Variants in PIK3CB observed in about 807,000 individuals in gnomAD.
PIK3CB encodes the protein phosphatidylinositol 4,5-bisphosphate 3-kinase catalytic subunit beta isoform.
In PIK3CB, 39 loss-of-function variants were observed where a neutral mutation model predicts 136.8. The ratio of observed to expected loss-of-function variants is 0.29; its 90% CI spans 0.22 to 0.37. The LOEUF (loss-of-function observed/expected upper bound fraction) is 0.37, where lower values mean the gene tolerates loss of function less well. Ranked by LOEUF, PIK3CB falls within the 10% of genes least tolerant of loss-of-function variation. The probability of loss-of-function intolerance (pLI) is 1.00; values close to 1 mark genes in which losing one functional copy is unlikely to be tolerated. For synonymous variants in PIK3CB, 428 were observed against 436.6 expected (o/e 0.98, Z 0.25); for missense variants, 868 against 1,275.4 (o/e 0.68, Z 4.87).
intron 8 of PIK3CB, among the ~76,000 whole-genome samples, chr3:138,726,471 T>C (rs1433339248): frequency 6.6e-6 from 1 of 152,200 alleles, no homozygotes; most frequent in Admixed American, 6.5e-5. Flanking sequence ...CTCTGAGTCT[T>C]AGGCTCTGCC....
In PIK3CB at chr3:138,696,830, T is replaced by C. The variant is rs184012233; in HGVS notation, c.1771-1923A>G. 3.3e-3 allele frequency among the ~76,000 whole-genome samples: 499 copies of C among 152,270 alleles called. 1 individual carries two copies. The highest frequency in any genetic ancestry group is 6.4e-3 in the Admixed American group (98 of 15,290). On this transcript the variant is annotated intron_variant, in intron 13 of 23. Coordinates refer to ENST00000674063, the MANE Select transcript of PIK3CB (RefSeq NM_006219.3). The stretch of plus-strand genomic sequence containing the variant: ...GAGCAGAAGAGTTGGGAAGAGACCA[T>C]TTCCTGGGTTTTGAAATAGCAGTAA...
rs2043155302 is a variant in PIK3CB, at chr3:138,654,152, C to A, written c.*1237G>T. The stretch of plus-strand genomic sequence containing the variant: ...TAGGGCAAATACTCAGTTCTCTTTC[C>A]CATATCACCGAGGATTGAGAGCTCC... On this transcript the variant is annotated 3_prime_UTR_variant, in exon 24 of 24. Coordinates refer to ENST00000674063, the MANE Select transcript of PIK3CB (RefSeq NM_006219.3). 3 of 205,544 alleles carry A rather than the reference C, an allele frequency of 1.5e-5. No individual in the cohort carries two copies. Among genetic ancestry groups the A allele is most frequent in the Non-Finnish European group, 3.0e-5 (3 of 100,600 alleles). 12.7% of individuals were successfully genotyped at this position (205,544 alleles called of 1,614,324 possible). A position where few individuals can be genotyped will look rare whatever the true frequency, so the allele number is the denominator to read the frequency against.
intron 20 of PIK3CB, 39 bp from the exon 21 acceptor site, chr3:138,664,068 A>G: frequency 1.2e-6 from 2 of 1,608,006 alleles, no homozygotes; most frequent in Admixed American, 1.7e-5. Context: ...AAAGGTTTTC[A>G]GCCTCCAAGC....
At chr3:138,805,788 G>A (rs557396411) in intron 1 of PIK3CB, among the ~76,000 whole-genome samples, 91 of 151,938 alleles carry the variant, frequency 6.0e-4, no homozygotes, top group African/African-American at 2.0e-3. Flanking sequence ...GGAGTGCAGT[G>A]GCGCAATCTC....
At chr3:138,745,026 C>T (rs1227663518) in intron 4 of PIK3CB, among the ~76,000 whole-genome samples, 4 of 152,150 alleles carry the variant, frequency 2.6e-5, no homozygotes, top group South Asian at 2.1e-4. Context: ...TGTACAATAT[C>T]GGGACAGAGA....
At chr3:138,702,701 C>T (rs950799446) in intron 12 of PIK3CB, among the ~76,000 whole-genome samples, 1 of 152,170 alleles carries the variant, frequency 6.6e-6, no homozygotes, top group African/African-American at 2.4e-5. Context: ...TGTTTTGTAT[C>T]ATTAAAGGTA....
intron 19 of PIK3CB, among the ~76,000 whole-genome samples, chr3:138,678,682 G>C (rs577427280): frequency 3.9e-4 from 59 of 151,882 alleles, no homozygotes; most frequent in African/African-American, 1.4e-3. Flanking sequence ...AAGATACAAA[G>C]GTAAATACTA....
At chr3:138,714,753 C>A in intron 8 of PIK3CB, 34 bp from the exon 9 acceptor site, 2 of 1,546,560 alleles carry the variant, frequency 1.3e-6, no homozygotes, top group South Asian at 2.5e-5. Context: ...AAAACAAAGT[C>A]ATGAATACTG....
intron 1 of PIK3CB, among the ~76,000 whole-genome samples, chr3:138,830,431 TA>T (rs779070082): frequency 2.2e-4 from 33 of 151,964 alleles, no homozygotes; most frequent in Non-Finnish European, 4.7e-4. Context: ...GCACGCCTTG[TA>T]ATCCCAGCTA....
At chr3:138,693,881 G>A (rs889059577) in intron 14 of PIK3CB, among the ~76,000 whole-genome samples, 2 of 139,322 alleles carry the variant, frequency 1.4e-5, no homozygotes, top group Non-Finnish European at 1.5e-5. Context: ...AAGTAATCAA[G>A]ACTGGATAAG....
intron 10 of PIK3CB, among the ~76,000 whole-genome samples, chr3:138,709,372 A>G (rs2044448092): frequency 6.6e-6 from 1 of 152,090 alleles, no homozygotes; most frequent in Admixed American, 6.6e-5. Flanking sequence ...ATATGGTGAT[A>G]TGTAGATATG....
intron 8 of PIK3CB, among the ~76,000 whole-genome samples, chr3:138,732,388 A>T (rs566597354): frequency 1.3e-5 from 2 of 152,230 alleles, no homozygotes; most frequent in South Asian, 4.2e-4. Flanking sequence ...ACTCTCCCCC[A>T]AAATCTTTAA....
chr3:138,795,126 C>A (rs2046094608), intron 2 of PIK3CB, among the ~76,000 whole-genome samples: 1 of 151,780 alleles, frequency 6.6e-6, no homozygotes, highest in South Asian at 2.1e-4. Flanking sequence ...TCGAGACTAG[C>A]CTGGCTAACA....
chr3:138,702,040 C>T (rs1182180837), intron 12 of PIK3CB, among the ~76,000 whole-genome samples: 2 of 150,280 alleles, frequency 1.3e-5, no homozygotes, highest in Non-Finnish European at 3.0e-5. Flanking sequence ...AAACTGTTTA[C>T]AATTAGCTCT....
intron 1 of PIK3CB, among the ~76,000 whole-genome samples, chr3:138,831,510 G>A (rs543967035): frequency 5.3e-5 from 8 of 151,840 alleles, no homozygotes; most frequent in Admixed American, 3.3e-4. Flanking sequence ...TGTTTGAACC[G>A]GGGAGGCGGA....
intron 14 of PIK3CB, among the ~76,000 whole-genome samples, chr3:138,691,515 A>G (rs2044007594): frequency 6.6e-6 from 1 of 152,166 alleles, no homozygotes; most frequent in African/African-American, 2.4e-5. Flanking sequence ...CCTCCATGCT[A>G]GTCTCATGAC....
At chr3:138,738,024 G>C (rs2045150937) in intron 5 of PIK3CB, 138 bp from the exon 6 acceptor site, 1 of 439,720 alleles carries the variant, frequency 2.3e-6, no homozygotes, top group African/African-American at 2.0e-5. Flanking sequence ...ATTTTATATG[G>C]ATGCATATTT....
chr3:138,758,282 TTC>T (rs758598479), intron 3 of PIK3CB, among the ~76,000 whole-genome samples: 4 of 152,180 alleles, frequency 2.6e-5, no homozygotes, highest in Admixed American at 6.5e-5. Flanking sequence ...GGTATGAAGT[TTC>T]TGTTTGGGAT....
chr3:138,812,737 C>T (rs752717637), intron 1 of PIK3CB, among the ~76,000 whole-genome samples: 4 of 151,818 alleles, frequency 2.6e-5, no homozygotes, highest in Non-Finnish European at 5.9e-5. Flanking sequence ...CCATGTTGGC[C>T]GGGCTGGTCT....
Sources: allele counts gnomAD v4.1 joint callset (sites outside exome capture counted in the v4.1 genomes callset), GRCh38; gene constraint gnomAD v4.1.1; transcripts MANE v1.5; gene names NCBI Gene and HGNC (gene_info 2026-07-23, HGNC 2026-07-21).